The following DCAF7 variants were observed in gnomAD, a reference collection of about 807,000 sequenced individuals.
DCAF7 encodes the protein DDB1 and CUL4 associated factor 7.
In DCAF7, 4 loss-of-function variants were observed where a neutral mutation model predicts 41.2. The ratio of observed to expected loss-of-function variants is 0.10; its 90% CI spans 0.05 to 0.22. DCAF7 has a LOEUF of 0.22. Ranked by LOEUF, DCAF7 falls within the 10% of genes least tolerant of loss-of-function variation. The pLI, the probability that DCAF7 is intolerant of heterozygous loss-of-function variation, is 1.00. For missense variants in DCAF7, 131 were observed against 443.2 expected, an observed-to-expected ratio of 0.30 and a Z score of 6.32; for synonymous variants, 143 against 164.2, an observed-to-expected ratio of 0.87 and a Z score of 0.99.
At chr17:63,562,704 A>G (rs2033396784) in intron 1 of DCAF7, among the ~76,000 whole-genome samples, 1 of 112,844 alleles carries the variant, frequency 8.9e-6, no homozygotes, top group Non-Finnish European at 1.7e-5. Flanking sequence ...CCACCCCACA[A>G]CAGTCCCCAG....
chr17:63,558,601 G>A (rs1336784698), intron 1 of DCAF7, among the ~76,000 whole-genome samples: 2 of 152,148 alleles, frequency 1.3e-5, no homozygotes, highest in African/African-American at 4.8e-5. Flanking sequence ...GCAGTAGTGT[G>A]AGTATAACTC....
At chr17:63,580,312 A>C (rs1598035210) in intron 4 of DCAF7, among the ~76,000 whole-genome samples, 1 of 152,164 alleles carries the variant, frequency 6.6e-6, no homozygotes, top group African/African-American at 2.4e-5. Flanking sequence ...GAAGGGAGAC[A>C]GGAAGAGAAA....
At chr17:63,551,413 T>C (rs1270657936) in intron 1 of DCAF7, among the ~76,000 whole-genome samples, 1 of 151,506 alleles carries the variant, frequency 6.6e-6, no homozygotes, top group Non-Finnish European at 1.5e-5. Flanking sequence ...AATCTTGGCC[T>C]GTGGCATGAT....
intron 4 of DCAF7, among the ~76,000 whole-genome samples, chr17:63,582,506 TG>T (rs1373066432): frequency 6.6e-6 from 1 of 151,966 alleles, no homozygotes; most frequent in Non-Finnish European, 1.5e-5. Flanking sequence ...AGTTTCGCTC[TG>T]TCCCAGGCTG....
intron 1 of DCAF7, among the ~76,000 whole-genome samples, chr17:63,564,168 CATAT>C (rs370996355): frequency 1.3e-5 from 2 of 150,778 alleles, no homozygotes; most frequent in Non-Finnish European, 3.0e-5. Flanking sequence ...CACACATACA[CATAT>C]ATACACACAC....
At chr17:63,553,361 A>T (rs1913314440) in intron 1 of DCAF7, among the ~76,000 whole-genome samples, 1 of 152,226 alleles carries the variant, frequency 6.6e-6, no homozygotes, top group African/African-American at 2.4e-5. Context: ...GAAACAAAAA[A>T]ATTTAGCTAG....
chr17:63,581,215 G>A (rs1568104427), intron 4 of DCAF7, among the ~76,000 whole-genome samples: 1 of 152,164 alleles, frequency 6.6e-6, no homozygotes, highest in Non-Finnish European at 1.5e-5. Context: ...AACCCTCTTG[G>A]CATCAAGTTG....
At chr17:63,584,510 C>G (rs2033657292) in intron 5 of DCAF7, among the ~76,000 whole-genome samples, 1 of 151,530 alleles carries the variant, frequency 6.6e-6, no homozygotes, top group African/African-American at 2.4e-5. Context: ...ACCTGTAATC[C>G]CAGCACTTTG....
At position 63,583,704 on chromosome 17, in the gene DCAF7, G is replaced by C; in HGVS notation, c.731G>C (p.Gly244Ala). The C allele has an allele frequency of 6.2e-7, 1 of 1,613,898 alleles. No homozygotes were observed. Among genetic ancestry groups the C allele is most frequent in the Non-Finnish European group, 8.5e-7 (1 of 1,179,846 alleles). ...PNYLATMAMD[G>A]MEVVILDVRV... ...TACCTGGCCACCATGGCCATGGATG[G>C]AATGGAGGTGAGCACTCCTCTCAGG... Residue 244 changes from glycine to alanine, a missense_variant, in exon 5 of 7, where the codon GGA becomes GCA. Physicochemically the swap from Gly to Ala is moderately conservative, Grantham distance 60. Transcript: ENST00000614556.
intron 1 of DCAF7, among the ~76,000 whole-genome samples, chr17:63,574,744 G>A (rs1374924748): frequency 1.3e-5 from 2 of 152,204 alleles, no homozygotes; most frequent in African/African-American, 4.8e-5. Context: ...AGGCCAGAGT[G>A]GGTGGATCAC....
chr17:63,576,412 A>G (rs571100658), intron 1 of DCAF7, among the ~76,000 whole-genome samples: 44 of 152,190 alleles, frequency 2.9e-4, no homozygotes, highest in Non-Finnish European at 5.4e-4. Flanking sequence ...TGCCCATTGC[A>G]CTCCAGCCTG....
chr17:63,588,979 G>T (rs748178841), intron 6 of DCAF7, 21 bp from the exon 7 acceptor site: 2 of 1,594,028 alleles, frequency 1.3e-6, no homozygotes, highest in Admixed American at 1.7e-5. Flanking sequence ...GACCTTGCTT[G>T]CTGGCTTTCT....
chr17:63,551,745 G>C (rs942767391), intron 1 of DCAF7, among the ~76,000 whole-genome samples: 15 of 151,992 alleles, frequency 9.9e-5, no homozygotes, highest in African/African-American at 3.4e-4. Context: ...ATGAACATCA[G>C]ATTTAAGAAG....
At chr17:63,556,592 G>A (rs2033313610) in intron 1 of DCAF7, among the ~76,000 whole-genome samples, 1 of 151,906 alleles carries the variant, frequency 6.6e-6, no homozygotes, top group South Asian at 2.1e-4. Context: ...ATCAGGGCCG[G>A]GCGCAGTGGC....
At chr17:63,559,421 GTATATATATA>G (rs759733619) in intron 1 of DCAF7, among the ~76,000 whole-genome samples, 3,728 of 64,616 alleles carry the variant, frequency 0.058, 372 homozygotes, top group African/African-American at 0.25. Context: ...ATATATATAC[GTATATATATA>G]TGTGTGTGTA....
intron 1 of DCAF7, among the ~76,000 whole-genome samples, chr17:63,562,010 C>CAAAA (rs374021255): frequency 1.2e-5 from 1 of 81,512 alleles, no homozygotes; most frequent in Admixed American, 1.6e-4. Flanking sequence ...TGTCAATGTC[C>CAAAA]AAAAAAAAAA....
In DCAF7 at chr17:63,589,510, C is replaced by T; in HGVS notation, c.*338C>T. 1 of 366,722 alleles carries T rather than the reference C, an allele frequency of 2.7e-6. No homozygotes were observed. The highest frequency in any genetic ancestry group is 5.3e-6 in the Non-Finnish European group (1 of 188,538). The allele number at this position is 366,722 out of a possible 1,614,324, so 22.7% of individuals were successfully genotyped here. ...TCACGCACTGGCTGTGTCTATTCCTCTGCCCAGGTGTCTCTGTTTGCTGCC... is the reference window on the plus strand; with the variant it reads ...TCACGCACTGGCTGTGTCTATTCCTTTGCCCAGGTGTCTCTGTTTGCTGCC... On this transcript the variant is annotated 3_prime_UTR_variant, in exon 7 of 7. Coordinates refer to ENST00000614556, the MANE Select transcript of DCAF7 (RefSeq NM_005828.5).
At chr17:63,555,792 A>T (rs986917838) in intron 1 of DCAF7, among the ~76,000 whole-genome samples, 2 of 152,102 alleles carry the variant, frequency 1.3e-5, no homozygotes, top group East Asian at 3.9e-4. Context: ...TAATGCTTTA[A>T]AAAAAAATGC....
At chr17:63,566,074 C>G (rs1335058995) in intron 1 of DCAF7, among the ~76,000 whole-genome samples, 1 of 152,146 alleles carries the variant, frequency 6.6e-6, no homozygotes, top group African/African-American at 2.4e-5. Flanking sequence ...GCACTCCAGC[C>G]TGGGCAAGAG....
Sources: gnomAD v4.1 joint callset for allele counts (sites outside exome capture counted in the v4.1 genomes callset) on GRCh38, gnomAD v4.1.1 for gene constraint, MANE v1.5 for transcripts, NCBI Gene and HGNC (gene_info 2026-07-23, HGNC 2026-07-21) for gene names.